The following KIAA1328 variants were observed in gnomAD, a reference collection of about 807,000 sequenced individuals.
KIAA1328 encodes the protein protein hinderin.
In KIAA1328, 52 loss-of-function variants were observed where a neutral mutation model predicts 68.1. The ratio of observed to expected loss-of-function variants is 0.76; its 90% CI spans 0.61 to 0.96. KIAA1328 has a LOEUF of 0.96. Among genes scored for constraint, KIAA1328 ranks in the 40% least tolerant of loss-of-function variants. The probability of loss-of-function intolerance (pLI) is 0.00; values close to 1 mark genes in which losing one functional copy is unlikely to be tolerated. For synonymous variants in KIAA1328, 232 were observed against 239.4 expected (o/e 0.97, Z 0.28); for missense variants, 641 against 677.6 (o/e 0.95, Z 0.60).
intron 7 of KIAA1328, among the ~76,000 whole-genome samples, chr18:37,121,620 C>G (rs893841066): frequency 1.3e-5 from 2 of 151,976 alleles, no homozygotes; most frequent in Non-Finnish European, 2.9e-5. Flanking sequence ...TGATTTTTAG[C>G]TGTAGGTGAA....
chr18:37,027,244 C>T (rs907247005), intron 6 of KIAA1328, among the ~76,000 whole-genome samples: 1 of 152,164 alleles, frequency 6.6e-6, no homozygotes, highest in Non-Finnish European at 1.5e-5. Context: ...GAAGAACATT[C>T]CATGCTCATG....
chr18:36,933,906 C>T (rs772900455), intron 5 of KIAA1328, among the ~76,000 whole-genome samples: 42 of 152,196 alleles, frequency 2.8e-4, no homozygotes, highest in Non-Finnish European at 5.4e-4. Flanking sequence ...AGGGCTAGAG[C>T]TAACTGGGGA....
At chr18:36,839,915 G>A (rs578156049) in intron 3 of KIAA1328, among the ~76,000 whole-genome samples, 4 of 152,232 alleles carry the variant, frequency 2.6e-5, no homozygotes, top group Non-Finnish European at 5.9e-5. Flanking sequence ...CTCTTTCCCC[G>A]GGATGAGTAG....
chr18:36,881,709 G>A (rs1298144585), intron 4 of KIAA1328, among the ~76,000 whole-genome samples: 1 of 152,026 alleles, frequency 6.6e-6, no homozygotes, highest in African/African-American at 2.4e-5. Context: ...AATCATATAT[G>A]TGATCTTTTG....
chr18:36,855,180 G>T (rs2047342967), intron 4 of KIAA1328, among the ~76,000 whole-genome samples: 1 of 152,156 alleles, frequency 6.6e-6, no homozygotes, highest in African/African-American at 2.4e-5. Flanking sequence ...CTAGGAATGG[G>T]ATTGCTGGAT....
intron 7 of KIAA1328, among the ~76,000 whole-genome samples, chr18:37,112,054 T>A (rs2057947105): frequency 6.6e-6 from 1 of 152,134 alleles, no homozygotes; most frequent in African/African-American, 2.4e-5. Flanking sequence ...CTACCGCAGC[T>A]CAAGGAGGCC....
chr18:37,074,906 C>T (rs375015450), intron 7 of KIAA1328: 1 of 152,140 alleles, frequency 6.6e-6, no homozygotes, highest in African/African-American at 2.4e-5. Flanking sequence ...GGAAAACACT[C>T]TGCAGGATAT....
At chr18:37,084,541 G>A (rs1369987109) in intron 7 of KIAA1328, 1 of 165,912 alleles carries the variant, frequency 6.0e-6, no homozygotes, top group Non-Finnish European at 1.2e-5. Context: ...TGCTTATACA[G>A]AATTTTATGT....
At chr18:36,898,544 A>C (rs1319564664) in intron 5 of KIAA1328, among the ~76,000 whole-genome samples, 2 of 151,996 alleles carry the variant, frequency 1.3e-5, no homozygotes, top group Non-Finnish European at 2.9e-5. Flanking sequence ...ATCAGGATCA[A>C]TCTTCCTTGC....
chr18:37,163,041 G>T (rs1419425196), intron 8 of KIAA1328, among the ~76,000 whole-genome samples: 1 of 152,094 alleles, frequency 6.6e-6, no homozygotes, highest in Non-Finnish European at 1.5e-5. Flanking sequence ...ATAATACTTG[G>T]GAAAATCTAA....
intron 7 of KIAA1328, among the ~76,000 whole-genome samples, chr18:37,068,179 G>A (rs1015283814): frequency 6.6e-6 from 1 of 152,122 alleles, no homozygotes; most frequent in Admixed American, 6.5e-5. Context: ...GACAATATTA[G>A]GCATTAAGTA....
chr18:37,051,327 AAAG>A (rs879285582), intron 6 of KIAA1328, among the ~76,000 whole-genome samples: 4 of 152,198 alleles, frequency 2.6e-5, no homozygotes, highest in African/African-American at 4.8e-5. Flanking sequence ...TAAGGAAAAA[AAAG>A]AAGATTCAAA....
At position 37,160,180 on chromosome 18, in the gene KIAA1328, A is replaced by G. The variant is rs1358420539; in HGVS notation, c.1233-20A>G. The G allele has an allele frequency of 6.3e-7, 1 of 1,599,922 alleles. No homozygotes were observed. Among genetic ancestry groups the G allele is most frequent in the Non-Finnish European group, 8.5e-7 (1 of 1,172,304 alleles). ...TTCCCTTCTGTGCCTTCAACAGTTCATTCATCGTTGTTCTTTCAGTTTATT... is the reference window on the plus strand; with the variant it reads ...TTCCCTTCTGTGCCTTCAACAGTTCGTTCATCGTTGTTCTTTCAGTTTATT... On this transcript the variant is annotated intron_variant, in intron 7 of 9. Coordinates refer to ENST00000280020, the MANE Select transcript of KIAA1328 (RefSeq NM_020776.3).
At chr18:37,037,886 G>GATC (rs2055090227) in intron 6 of KIAA1328, among the ~76,000 whole-genome samples, 2 of 152,172 alleles carry the variant, frequency 1.3e-5, no homozygotes, top group African/African-American at 4.8e-5. Flanking sequence ...CTGATCACGA[G>GATC]GTCAGGAGAT....
At chr18:37,124,228 C>G (rs1319548681) in intron 7 of KIAA1328, among the ~76,000 whole-genome samples, 1 of 152,136 alleles carries the variant, frequency 6.6e-6, no homozygotes, top group African/African-American at 2.4e-5. Context: ...TTTGGAAAAT[C>G]CAAACTTATA....
At chr18:36,961,361 G>A (rs994506393) in intron 6 of KIAA1328, among the ~76,000 whole-genome samples, 3 of 152,158 alleles carry the variant, frequency 2.0e-5, no homozygotes, top group African/African-American at 7.2e-5. Flanking sequence ...GAAAGTGTCA[G>A]GGAGAATGGA....
intron 6 of KIAA1328, among the ~76,000 whole-genome samples, chr18:37,064,422 A>G (rs1203236471): frequency 2.0e-5 from 3 of 151,896 alleles, no homozygotes; most frequent in African/African-American, 7.3e-5. Context: ...TTCTCCCCTT[A>G]TACTAGGGAT....
intron 6 of KIAA1328, among the ~76,000 whole-genome samples, chr18:36,966,597 CA>C (rs1163429573): frequency 6.6e-6 from 1 of 151,670 alleles, no homozygotes; most frequent in East Asian, 1.9e-4. Context: ...AAGAAATCCA[CA>C]AAAAAAGGTG....
intron 5 of KIAA1328, among the ~76,000 whole-genome samples, chr18:36,887,256 A>G (rs2048532409): frequency 6.6e-6 from 1 of 152,088 alleles, no homozygotes; most frequent in African/African-American, 2.4e-5. Context: ...CAAAGTGCTC[A>G]GCCAGTTTTA....
Sources: allele counts gnomAD v4.1 joint callset (sites outside exome capture counted in the v4.1 genomes callset), GRCh38; gene constraint gnomAD v4.1.1; transcripts MANE v1.5; gene names NCBI Gene and HGNC (gene_info 2026-07-23, HGNC 2026-07-21).